The following SNTG1 variants were observed in gnomAD, a reference collection of about 807,000 sequenced individuals.
SNTG1 encodes syntrophin gamma 1, also known as gamma-1-syntrophin.
A neutral mutation model predicts 74.7 loss-of-function variants in SNTG1; 39 were observed. The observed-to-expected ratio is 0.52, with a 90% CI of 0.40 to 0.68. SNTG1 has a LOEUF of 0.68. Among genes scored for constraint, SNTG1 ranks in the 30% least tolerant of loss-of-function variants. The pLI is 0.00. For missense variants in SNTG1, 685 were observed against 609.5 expected, an observed-to-expected ratio of 1.12 and a Z score of -1.30; for synonymous variants, 254 against 217.1, an observed-to-expected ratio of 1.17 and a Z score of -1.49.
intron 2 of SNTG1, among the ~76,000 whole-genome samples, chr8:50,336,445 A>C (rs1404186408): frequency 6.6e-6 from 1 of 152,206 alleles, no homozygotes; most frequent in Non-Finnish European, 1.5e-5. Flanking sequence ...AATTGTTTTG[A>C]GGCACTGGTA....
chr8:50,289,477 A>G (rs895137032), intron 2 of SNTG1, among the ~76,000 whole-genome samples: 2 of 152,204 alleles, frequency 1.3e-5, no homozygotes, highest in African/African-American at 2.4e-5. Context: ...CCTTAGTTAT[A>G]GTGAGACAGT....
At chr8:50,700,344 G>T (rs1449625979) in intron 15 of SNTG1, among the ~76,000 whole-genome samples, 1 of 152,156 alleles carries the variant, frequency 6.6e-6, no homozygotes, top group Non-Finnish European at 1.5e-5. Flanking sequence ...AGAAACTCTA[G>T]TAAAAGAAAT....
At chr8:50,780,623 T>C (rs2095656261) in intron 18 of SNTG1, among the ~76,000 whole-genome samples, 1 of 152,350 alleles carries the variant, frequency 6.6e-6, no homozygotes, top group East Asian at 1.9e-4. Context: ...GCTAGTGGTC[T>C]ATCAACTTTG....
intron 1 of SNTG1, among the ~76,000 whole-genome samples, chr8:50,150,723 C>G (rs2082038332): frequency 6.6e-6 from 1 of 151,898 alleles, no homozygotes; most frequent in Non-Finnish European, 1.5e-5. Flanking sequence ...TTGAACCAGC[C>G]TGTATGTTGA....
At chr8:50,468,056 A>C (rs961642503) in intron 8 of SNTG1, among the ~76,000 whole-genome samples, 2 of 151,878 alleles carry the variant, frequency 1.3e-5, no homozygotes, top group African/African-American at 4.8e-5. Context: ...CTGGCATAGA[A>C]TATAGTCTGC....
chr8:50,651,870 C>A (rs532765003), intron 13 of SNTG1, among the ~76,000 whole-genome samples: 1 of 152,030 alleles, frequency 6.6e-6, no homozygotes, highest in Non-Finnish European at 1.5e-5. Flanking sequence ...ACCTCCACCT[C>A]CCAGGTTCAA....
intron 5 of SNTG1, 36 bp from the exon 6 acceptor site, chr8:50,449,632 G>A: frequency 6.6e-7 from 1 of 1,506,972 alleles, no homozygotes; most frequent in Non-Finnish European, 8.9e-7. Flanking sequence ...ATTTTTTTTA[G>A]ATTAAAAAGT....
rs149200078 is a variant in SNTG1, at chr8:50,311,749, A to G, written c.-27-82463A>G. 2.1e-4 allele frequency among the ~76,000 whole-genome samples: 32 copies of G among 152,346 alleles called. No individual in the cohort carries two copies. The East Asian group carries it at 3.9e-3, about 18-fold the overall frequency. ...ATGTAGGTAAGCGTTGGAAAACTCT[A>G]TATCTTGAGATTATTCTCAAAAATA... On this transcript the variant is annotated intron_variant, in intron 2 of 18. Transcript: ENST00000642720.
intron 8 of SNTG1, among the ~76,000 whole-genome samples, chr8:50,497,469 A>G (rs1290596168): frequency 6.6e-6 from 1 of 151,950 alleles, no homozygotes. Context: ...GAAATTCCCA[A>G]TAGAGTCACA....
At chr8:50,515,322 C>T in intron 9 of SNTG1, among the ~76,000 whole-genome samples, 1 of 150,602 alleles carries the variant, frequency 6.6e-6, no homozygotes, top group East Asian at 2.0e-4. Flanking sequence ...ATACACATAC[C>T]TTAATTTAAA....
At chr8:50,504,495 A>T (rs1440849335) in intron 9 of SNTG1, among the ~76,000 whole-genome samples, 2 of 152,358 alleles carry the variant, frequency 1.3e-5, no homozygotes, top group Non-Finnish European at 2.9e-5. Flanking sequence ...ACTTGTTAAT[A>T]AATTGCCGAA....
chr8:50,669,821 C>A (rs1296474116), intron 15 of SNTG1, among the ~76,000 whole-genome samples: 1 of 152,132 alleles, frequency 6.6e-6, no homozygotes. Context: ...AATCCAGCAG[C>A]ACATCAAAAA....
intron 3 of SNTG1, among the ~76,000 whole-genome samples, chr8:50,399,660 T>A (rs2092775117): frequency 6.6e-6 from 1 of 150,844 alleles, no homozygotes; most frequent in Non-Finnish European, 1.5e-5. Context: ...TTGGCTTTGA[T>A]GTATCATTTC....
intron 1 of SNTG1, among the ~76,000 whole-genome samples, chr8:50,066,920 T>C (rs984167520): frequency 1.1e-4 from 16 of 152,344 alleles, no homozygotes; most frequent in African/African-American, 3.8e-4. Flanking sequence ...ATTGTAGTCT[T>C]ATGTGGAAAA....
intron 12 of SNTG1, among the ~76,000 whole-genome samples, chr8:50,560,438 A>G (rs2094480617): frequency 6.6e-6 from 1 of 152,240 alleles, no homozygotes; most frequent in African/African-American, 2.4e-5. Flanking sequence ...TTGCAGCACT[A>G]TTCACGATAG....
At chr8:50,328,060 G>A (rs2090821671) in intron 2 of SNTG1, among the ~76,000 whole-genome samples, 1 of 151,814 alleles carries the variant, frequency 6.6e-6, no homozygotes, top group Non-Finnish European at 1.5e-5. Flanking sequence ...CAAACGTTTT[G>A]CTGTTAGATT....
At chr8:50,624,526 T>A (rs1346151366) in intron 13 of SNTG1, among the ~76,000 whole-genome samples, 2 of 152,076 alleles carry the variant, frequency 1.3e-5, no homozygotes, top group East Asian at 3.9e-4. Context: ...CTCGAGAGAA[T>A]GAAGCCAATT....
intron 2 of SNTG1, among the ~76,000 whole-genome samples, chr8:50,370,268 G>A (rs2092237162): frequency 6.6e-6 from 1 of 152,158 alleles, no homozygotes; most frequent in Non-Finnish European, 1.5e-5. Flanking sequence ...GGCTGAGATT[G>A]TTAAAAATCA....
chr8:50,688,960 C>A (rs899540415), intron 15 of SNTG1, among the ~76,000 whole-genome samples: 482 of 152,168 alleles, frequency 3.2e-3, no homozygotes, highest in Non-Finnish European at 5.3e-3. Context: ...TTCTCCTTGA[C>A]TAGGTCCTTC....
Sources: allele counts gnomAD v4.1 joint callset (sites outside exome capture counted in the v4.1 genomes callset), GRCh38; gene constraint gnomAD v4.1.1; transcripts MANE v1.5; gene names NCBI Gene and HGNC (gene_info 2026-07-23, HGNC 2026-07-21).